Variants in PTPRD observed in about 807,000 individuals in gnomAD.
PTPRD encodes receptor-type tyrosine-protein phosphatase delta.
In PTPRD, 34 loss-of-function variants were observed where a neutral mutation model predicts 214.5. That is an observed-to-expected ratio of 0.16 (90% CI 0.12 to 0.21). The LOEUF (loss-of-function observed/expected upper bound fraction) is 0.21, where lower values mean the gene tolerates loss of function less well. Among genes scored for constraint, PTPRD ranks in the 10% least tolerant of loss-of-function variants. PTPRD has a pLI of 1.00. For missense variants in PTPRD, 2,545 were observed against 2,398.7 expected (o/e 1.06, Z -1.27); for synonymous variants, 1,128 against 845.7 (o/e 1.33, Z -5.79).
intron 7 of PTPRD, among the ~76,000 whole-genome samples, chr9:9,688,966 T>C (rs913293773): frequency 3.3e-5 from 5 of 151,802 alleles, no homozygotes; most frequent in Admixed American, 6.6e-5. Context: ...GATGTATACA[T>C]ACATACATAT....
intron 14 of PTPRD, among the ~76,000 whole-genome samples, chr9:8,627,831 C>T (rs997920883): frequency 5.9e-5 from 9 of 151,874 alleles, no homozygotes; most frequent in African/African-American, 2.2e-4. Flanking sequence ...CAAAGAATCA[C>T]TGTTTTTAAA....
At chr9:10,004,058 A>G (rs2096404535) in intron 4 of PTPRD, among the ~76,000 whole-genome samples, 1 of 151,922 alleles carries the variant, frequency 6.6e-6, no homozygotes, top group Non-Finnish European at 1.5e-5. Context: ...AAATAATTTA[A>G]TGGGTATTTA....
intron 9 of PTPRD, among the ~76,000 whole-genome samples, chr9:9,391,030 C>T (rs10816115): frequency 0.27 from 40,277 of 151,878 alleles, 5,461 homozygotes; most frequent in Middle Eastern, 0.3. Context: ...TTAAGTTGAG[C>T]TTTGCTTTAA....
chr9:9,383,685 C>T (rs575780266), intron 9 of PTPRD, among the ~76,000 whole-genome samples: 1 of 152,100 alleles, frequency 6.6e-6, no homozygotes, highest in African/African-American at 2.4e-5. Flanking sequence ...TATGCGGTAC[C>T]TTAATTATAT....
chr9:8,811,843 T>A (rs1453948715), intron 11 of PTPRD, among the ~76,000 whole-genome samples: 4 of 152,232 alleles, frequency 2.6e-5, no homozygotes, highest in African/African-American at 9.6e-5. Flanking sequence ...ATGCACACTC[T>A]TCTTGATATT....
intron 7 of PTPRD, among the ~76,000 whole-genome samples, chr9:9,589,231 T>A (rs191492537): frequency 6.6e-6 from 1 of 151,952 alleles, no homozygotes; most frequent in Non-Finnish European, 1.5e-5. Flanking sequence ...ACATAGCACA[T>A]AGTAGCATAC....
intron 11 of PTPRD, among the ~76,000 whole-genome samples, chr9:8,761,366 C>G (rs1441379100): frequency 1.3e-5 from 2 of 152,088 alleles, no homozygotes; most frequent in Non-Finnish European, 2.9e-5. Context: ...TTATAACTAA[C>G]AAAACTGAAA....
intron 9 of PTPRD, among the ~76,000 whole-genome samples, chr9:9,258,625 T>A (rs987001023): frequency 6.6e-6 from 1 of 151,904 alleles, no homozygotes; most frequent in Non-Finnish European, 1.5e-5. Flanking sequence ...TTGGGGAGTT[T>A]TTCTAACTCA....
At chr9:9,295,227 A>C (rs998306406) in intron 9 of PTPRD, among the ~76,000 whole-genome samples, 1 of 151,760 alleles carries the variant, frequency 6.6e-6, no homozygotes, top group Non-Finnish European at 1.5e-5. Context: ...TCTAATTAAC[A>C]CTTTCTGTTG....
At chr9:10,278,107 G>A (rs368300383) in intron 3 of PTPRD, among the ~76,000 whole-genome samples, 1 of 151,662 alleles carries the variant, frequency 6.6e-6, no homozygotes, top group Admixed American at 6.6e-5. Context: ...GAAGAGCCGA[G>A]ATAGCGCCAC....
chr9:10,009,339 A>G, intron 4 of PTPRD, among the ~76,000 whole-genome samples: 1 of 107,912 alleles, frequency 9.3e-6, no homozygotes, highest in Admixed American at 9.1e-5. Flanking sequence ...TTGATTTTAT[A>G]CATTTTAGGG....
At chr9:9,273,427 A>G (rs10816083) in intron 9 of PTPRD, among the ~76,000 whole-genome samples, 36,487 of 151,140 alleles carry the variant, frequency 0.24, 5,422 homozygotes, top group East Asian at 0.42. Flanking sequence ...GTATATATAC[A>G]TACATATAGC....
At chr9:8,477,748 T>G (rs138741205) in intron 30 of PTPRD, among the ~76,000 whole-genome samples, 363 of 152,326 alleles carry the variant, frequency 2.4e-3, no homozygotes, top group African/African-American at 8.3e-3. Context: ...AAGGTTTGTC[T>G]GGGGCAGTCC....
chr9:9,180,854 T>C (rs2099927790), intron 10 of PTPRD, among the ~76,000 whole-genome samples: 1 of 152,130 alleles, frequency 6.6e-6, no homozygotes, highest in East Asian at 1.9e-4. Flanking sequence ...AATATTTTTG[T>C]ACACATCATG....
intron 2 of PTPRD, among the ~76,000 whole-genome samples, chr9:10,364,424 C>T (rs1222193476): frequency 6.6e-6 from 1 of 152,066 alleles, no homozygotes; most frequent in African/African-American, 2.4e-5. Context: ...ACTCTAACAG[C>T]CCTGACTTCA....
At chr9:9,340,493 A>G (rs1569567513) in intron 9 of PTPRD, among the ~76,000 whole-genome samples, 1 of 152,256 alleles carries the variant, frequency 6.6e-6, no homozygotes, top group Non-Finnish European at 1.5e-5. Context: ...TGCTACAAGT[A>G]GTAGTTAACC....
chr9:10,537,054 A>C (rs940301433), intron 2 of PTPRD, among the ~76,000 whole-genome samples: 3 of 152,160 alleles, frequency 2.0e-5, no homozygotes, highest in African/African-American at 7.2e-5. Context: ...CTGAAATAGC[A>C]TTCTGTGGGA....
chr9:9,075,753 T>A (rs1453843063), intron 10 of PTPRD, among the ~76,000 whole-genome samples: 1 of 152,210 alleles, frequency 6.6e-6, no homozygotes, highest in African/African-American at 2.4e-5. Flanking sequence ...TCCTTTTTTA[T>A]GGCTGCATAG....
intron 9 of PTPRD, among the ~76,000 whole-genome samples, chr9:9,194,757 A>G (rs755882660): frequency 2.0e-5 from 3 of 152,134 alleles, no homozygotes; most frequent in Admixed American, 1.3e-4. Context: ...TAGTTCTAAT[A>G]GCACATTGCA....
Sources: gnomAD v4.1 joint callset for allele counts (sites outside exome capture counted in the v4.1 genomes callset) on GRCh38, gnomAD v4.1.1 for gene constraint, MANE v1.5 for transcripts, NCBI Gene and HGNC (gene_info 2026-07-23, HGNC 2026-07-21) for gene names.